Variants in NTM observed in about 807,000 individuals in gnomAD.
The protein encoded by NTM is neurotrimin, also known as IgLON family member 2.
A neutral mutation model predicts 42.1 loss-of-function variants in NTM; 13 were observed. The ratio of observed to expected loss-of-function variants is 0.31; its 90% CI spans 0.20 to 0.49. The LOEUF is 0.49. Among genes scored for constraint, NTM ranks in the 20% least tolerant of loss-of-function variants. The probability of loss-of-function intolerance (pLI) is 0.99; values close to 1 mark genes in which losing one functional copy is unlikely to be tolerated. For synonymous variants in NTM, 187 were observed against 179.2 expected (o/e 1.04, Z -0.35); for missense variants, 373 against 452.8 (o/e 0.82, Z 1.60).
intron 2 of NTM, among the ~76,000 whole-genome samples, chr11:131,937,207 TC>T (rs1405555774): frequency 1.3e-5 from 2 of 152,160 alleles, no homozygotes; most frequent in South Asian, 2.1e-4. Context: ...ATGTGTGTTT[TC>T]TTAATACCCT....
At position 132,275,537 on chromosome 11, in the gene NTM, C is replaced by G. The variant is rs78142916; in HGVS notation, c.527-32152C>G. On this transcript the variant is annotated intron_variant, in intron 4 of 8. Transcript: ENST00000683400. ...AATTTTTTTTCATTTTTTGCTCATT[C>G]TGCATACTTCGCTTTTCCACATATA... is the stretch of plus-strand genomic sequence containing the variant. Among the ~76,000 whole-genome samples, 1,404 of 150,336 alleles carry G rather than the reference C, an allele frequency of 9.3e-3. 16 individuals are homozygous for G. The highest frequency in any genetic ancestry group is 0.032 in the African/African-American group (1,319 of 41,018).
intron 2 of NTM, chr11:131,922,015 T>G (rs2057295014): frequency 6.6e-6 from 1 of 152,620 alleles, no homozygotes; most frequent in East Asian, 1.9e-4. Flanking sequence ...ACCAGCAACA[T>G]TTTTACATCT....
At chr11:132,130,009 AG>A (rs2066540194) in intron 2 of NTM, among the ~76,000 whole-genome samples, 1 of 152,222 alleles carries the variant, frequency 6.6e-6, no homozygotes, top group African/African-American at 2.4e-5. Context: ...TGTTCTTAAC[AG>A]GTTTGGATGA....
intron 1 of NTM, among the ~76,000 whole-genome samples, chr11:131,621,824 A>AG (rs1254599405): frequency 2.5e-5 from 3 of 121,220 alleles, no homozygotes; most frequent in Admixed American, 7.8e-5. Context: ...CTCAACTCAA[A>AG]GAAAAAAAAA....
intron 1 of NTM, among the ~76,000 whole-genome samples, chr11:131,827,614 A>G (rs910429718): frequency 2.6e-5 from 4 of 152,206 alleles, no homozygotes; most frequent in African/African-American, 9.6e-5. Flanking sequence ...ATGAAACCAC[A>G]CTACTTCCCC....
chr11:132,186,237 G>A (rs1029251593), intron 3 of NTM, among the ~76,000 whole-genome samples: 4 of 152,140 alleles, frequency 2.6e-5, no homozygotes, highest in Admixed American at 6.5e-5. Context: ...AGTATTACTC[G>A]ATTCCACCTC....
chr11:131,705,291 A>C (rs1195256615), intron 1 of NTM, among the ~76,000 whole-genome samples: 1 of 152,190 alleles, frequency 6.6e-6, no homozygotes, highest in Non-Finnish European at 1.5e-5. Flanking sequence ...TCTCAGCAGA[A>C]ATCTTGCAGG....
At chr11:132,162,574 CGTGT>C (rs370805408) in intron 3 of NTM, among the ~76,000 whole-genome samples, 6 of 80,710 alleles carry the variant, frequency 7.4e-5, no homozygotes, top group Admixed American at 4.8e-4. Flanking sequence ...TGGATGTGAT[CGTGT>C]GTGTGTGTGT....
intron 1 of NTM, among the ~76,000 whole-genome samples, chr11:131,734,404 C>A (rs2080141365): frequency 6.6e-6 from 1 of 152,094 alleles, no homozygotes; most frequent in South Asian, 2.1e-4. Flanking sequence ...TCTTCCTTCC[C>A]TTCTTCCTTT....
At chr11:131,636,685 C>T (rs879508397) in intron 1 of NTM, among the ~76,000 whole-genome samples, 2 of 152,188 alleles carry the variant, frequency 1.3e-5, no homozygotes, top group Non-Finnish European at 2.9e-5. Context: ...GGCTTCAGAA[C>T]GAAACAGATC....
At chr11:132,006,503 G>A (rs183742246) in intron 2 of NTM, among the ~76,000 whole-genome samples, 19 of 152,330 alleles carry the variant, frequency 1.2e-4, no homozygotes, top group South Asian at 2.1e-4. Context: ...CAAGAACATC[G>A]TAGGACAAAG....
chr11:131,711,398 T>C (rs1388805888), intron 1 of NTM, among the ~76,000 whole-genome samples: 25 of 152,286 alleles, frequency 1.6e-4, no homozygotes, highest in Non-Finnish European at 2.8e-4. Flanking sequence ...CATCACTGGC[T>C]ATCAGAGAAA....
chr11:132,048,837 T>A (rs1346296580), intron 2 of NTM, among the ~76,000 whole-genome samples: 70 of 130,418 alleles, frequency 5.4e-4, no homozygotes, highest in African/African-American at 2.0e-3. Context: ...TTTTTTTTTT[T>A]ATAGCAGCTA....
chr11:132,077,180 C>A (rs926492770), intron 2 of NTM, among the ~76,000 whole-genome samples: 1 of 152,202 alleles, frequency 6.6e-6, no homozygotes, highest in Non-Finnish European at 1.5e-5. Context: ...TGGTCCACAC[C>A]TTCAGATGAA....
intron 1 of NTM, among the ~76,000 whole-genome samples, chr11:131,816,189 C>G (rs933196782): frequency 6.6e-6 from 1 of 152,142 alleles, no homozygotes; most frequent in Non-Finnish European, 1.5e-5. Context: ...CTGGATCACA[C>G]CAAGTGAATC....
intron 2 of NTM, among the ~76,000 whole-genome samples, chr11:132,037,769 T>C (rs560221848): frequency 6.6e-6 from 1 of 152,362 alleles, no homozygotes; most frequent in African/African-American, 2.4e-5. Flanking sequence ...TACATTTTTT[T>C]CTTCTTTTGG....
At chr11:132,182,572 G>GTGTTTTCC in intron 3 of NTM, among the ~76,000 whole-genome samples, 1 of 152,310 alleles carries the variant, frequency 6.6e-6, no homozygotes, top group South Asian at 2.1e-4. Context: ...ATGGTAAGGT[G>GTGTTTTCC]ACACTAAAAC....
At chr11:131,659,179 C>A (rs536328070) in intron 1 of NTM, among the ~76,000 whole-genome samples, 19 of 152,318 alleles carry the variant, frequency 1.2e-4, no homozygotes, top group African/African-American at 3.6e-4. Context: ...CATTTTTCAC[C>A]AGCTCCCAGG....
At chr11:131,915,996 G>A (rs190663821) in intron 2 of NTM, among the ~76,000 whole-genome samples, 200 of 152,326 alleles carry the variant, frequency 1.3e-3, no homozygotes, top group African/African-American at 4.4e-3. Flanking sequence ...AAAGGCGTAC[G>A]GCCTGGACTT....
Sources: gnomAD v4.1 joint callset for allele counts (sites outside exome capture counted in the v4.1 genomes callset) on GRCh38, gnomAD v4.1.1 for gene constraint, MANE v1.5 for transcripts, NCBI Gene and HGNC (gene_info 2026-07-23, HGNC 2026-07-21) for gene names.